RBMS3: variants seen among roughly 807,000 people sequenced by gnomAD.
RBMS3 encodes RNA-binding motif, single-stranded-interacting protein 3.
Under a neutral mutation model 66.8 loss-of-function variants are expected in RBMS3, and 27 were observed. The ratio of observed to expected loss-of-function variants is 0.40; its 90% CI spans 0.30 to 0.56. RBMS3 has a LOEUF of 0.56. RBMS3 is among the 20% of genes least tolerant of loss of function. RBMS3 has a pLI of 0.40. For synonymous variants in RBMS3, 188 were observed against 183.0 expected (o/e 1.03, Z -0.22); for missense variants, 513 against 549.5 (o/e 0.93, Z 0.66).
chr3:29,312,624 C>G (rs78007562), intron 1 of RBMS3, among the ~76,000 whole-genome samples: 8,412 of 151,446 alleles, frequency 0.056, 301 homozygotes, highest in Non-Finnish European at 0.074. Context: ...CTTTGTGTAT[C>G]TATATGTCTC....
rs944530183 is a variant in RBMS3, at chr3:30,005,214, G to T, written c.*1352G>T. 6.6e-6 allele frequency: 1 copy of T among 151,524 alleles called. No individual in the cohort carries two copies. The highest frequency in any genetic ancestry group is 1.5e-5 in the Non-Finnish European group (1 of 67,700). 9.4% of individuals were successfully genotyped at this position (151,524 alleles called of 1,614,324 possible). A position where few individuals can be genotyped will look rare whatever the true frequency, so the allele number is the denominator to read the frequency against. On this transcript the variant is annotated 3_prime_UTR_variant, in exon 15 of 15. Coordinates refer to ENST00000383767, the MANE Select transcript of RBMS3 (RefSeq NM_001003793.3). ...CATAGTGCAAAAAAAAAAAGAGGGTGGGGGGAGTTGTCTCTCTTTTCTTTA... is the reference window on the plus strand; with the variant it reads ...CATAGTGCAAAAAAAAAAAGAGGGTTGGGGGAGTTGTCTCTCTTTTCTTTA...
chr3:29,468,945 A>C (rs757723896), intron 2 of RBMS3, among the ~76,000 whole-genome samples: 22 of 152,164 alleles, frequency 1.4e-4, no homozygotes, highest in Non-Finnish European at 2.6e-4. Context: ...AAACACACAC[A>C]CAAACTCAAG....
intron 1 of RBMS3, among the ~76,000 whole-genome samples, chr3:29,401,735 C>T (rs778277312): frequency 2.6e-5 from 4 of 151,950 alleles, no homozygotes; most frequent in Non-Finnish European, 5.9e-5. Flanking sequence ...ATAAGTAAAA[C>T]CAAACTTAAT....
At chr3:29,521,471 G>A (rs572838089) in intron 3 of RBMS3, among the ~76,000 whole-genome samples, 2 of 152,186 alleles carry the variant, frequency 1.3e-5, no homozygotes, top group Admixed American at 1.3e-4. Flanking sequence ...TGGGAATACA[G>A]CAGTAATCCT....
chr3:29,746,219 G>C (rs1295657650), intron 5 of RBMS3, among the ~76,000 whole-genome samples: 1 of 152,092 alleles, frequency 6.6e-6, no homozygotes. Context: ...AAATTGTTTG[G>C]AATTGTTTGG....
At chr3:29,452,795 G>A (rs913594287) in intron 2 of RBMS3, among the ~76,000 whole-genome samples, 4 of 152,176 alleles carry the variant, frequency 2.6e-5, no homozygotes, top group African/African-American at 9.7e-5. Context: ...TATCCTTCCT[G>A]AGTAGCTCAA....
chr3:29,736,890 A>G (rs976827086), intron 4 of RBMS3, among the ~76,000 whole-genome samples: 2 of 152,196 alleles, frequency 1.3e-5, no homozygotes, highest in Non-Finnish European at 2.9e-5. Flanking sequence ...GTATCTAGCT[A>G]TAATTTGAAA....
chr3:29,596,342 T>C (rs1489271118), intron 4 of RBMS3, among the ~76,000 whole-genome samples: 1 of 152,216 alleles, frequency 6.6e-6, no homozygotes, highest in East Asian at 1.9e-4. Context: ...CTTCTGTTTC[T>C]GTGTAATTTA....
intron 4 of RBMS3, among the ~76,000 whole-genome samples, chr3:29,602,952 A>G (rs1034074684): frequency 6.6e-6 from 1 of 151,664 alleles, no homozygotes; most frequent in Non-Finnish European, 1.5e-5. Flanking sequence ...ACCCAATTCT[A>G]GGTCACGTTC....
chr3:29,946,609 G>C (rs547121361), intron 12 of RBMS3, among the ~76,000 whole-genome samples: 2 of 151,668 alleles, frequency 1.3e-5, no homozygotes, highest in African/African-American at 2.4e-5. Flanking sequence ...AATGCATAAA[G>C]TATAGAGAAT....
intron 2 of RBMS3, among the ~76,000 whole-genome samples, chr3:29,464,713 G>A (rs2042479893): frequency 6.6e-6 from 1 of 152,150 alleles, no homozygotes; most frequent in Non-Finnish European, 1.5e-5. Context: ...TCATCATTCA[G>A]GAAAAAAATA....
intron 4 of RBMS3, among the ~76,000 whole-genome samples, chr3:29,728,762 T>C (rs1300962837): frequency 6.6e-6 from 1 of 151,992 alleles, no homozygotes; most frequent in Middle Eastern, 3.2e-3. Context: ...ATCCTTCACT[T>C]AGACTGACAG....
At chr3:29,296,338 A>G (rs2033260502) in intron 1 of RBMS3, among the ~76,000 whole-genome samples, 1 of 151,840 alleles carries the variant, frequency 6.6e-6, no homozygotes. Context: ...GGCTTTGGAA[A>G]TCAGAATTTT....
chr3:29,849,005 G>A (rs925999250), intron 6 of RBMS3, among the ~76,000 whole-genome samples: 1 of 152,036 alleles, frequency 6.6e-6, no homozygotes, highest in Admixed American at 6.5e-5. Context: ...ATATTTTTGT[G>A]TTTATTAATA....
chr3:29,804,297 A>G (rs2057475538), intron 6 of RBMS3, among the ~76,000 whole-genome samples: 1 of 152,098 alleles, frequency 6.6e-6, no homozygotes, highest in African/African-American at 2.4e-5. Context: ...TTAGAAGATC[A>G]TTTTTAATTG....
intron 4 of RBMS3, among the ~76,000 whole-genome samples, chr3:29,732,957 A>C (rs1347929309): frequency 2.0e-5 from 3 of 151,932 alleles, no homozygotes; most frequent in Admixed American, 2.0e-4. Flanking sequence ...ACTAACTTAA[A>C]ATATAGGACC....
intron 1 of RBMS3, among the ~76,000 whole-genome samples, chr3:29,406,659 GT>G (rs2040027092): frequency 6.6e-6 from 1 of 152,108 alleles, no homozygotes; most frequent in Non-Finnish European, 1.5e-5. Context: ...TGTTGAAACT[GT>G]TTTTTGTAAC....
rs573683994 is a variant in RBMS3, at chr3:29,898,547, C to A, written c.888+1072C>A. 4.6e-5 allele frequency among the ~76,000 whole-genome samples: 7 copies of A among 151,708 alleles called. No homozygotes were observed. The South Asian group carries it at 1.5e-3, about 31-fold the overall frequency. On this transcript the variant is annotated intron_variant, in intron 9 of 14. Transcript: ENST00000383767. ...TTAACTGATTCCCCCCAAAGCAGAT[C>A]ATTTTCTTTCTTTTTCTGCACTCAG...
intron 2 of RBMS3, among the ~76,000 whole-genome samples, chr3:29,464,457 T>C (rs1255089196): frequency 6.6e-6 from 1 of 152,148 alleles, no homozygotes; most frequent in Admixed American, 6.5e-5. Flanking sequence ...AATATCAAAT[T>C]TGAGTTTGAA....
Sources: allele counts gnomAD v4.1 joint callset (sites outside exome capture counted in the v4.1 genomes callset), GRCh38; gene constraint gnomAD v4.1.1; transcripts MANE v1.5; gene names NCBI Gene and HGNC (gene_info 2026-07-23, HGNC 2026-07-21).